Variants in RABEP1 observed in about 807,000 individuals in gnomAD.
The protein encoded by RABEP1 is rab GTPase-binding effector protein 1.
Under a neutral mutation model 123.4 loss-of-function variants are expected in RABEP1, and 51 were observed. That is an observed-to-expected ratio of 0.41 (90% CI 0.33 to 0.52). RABEP1 has a LOEUF of 0.52. Among genes scored for constraint, RABEP1 ranks in the 20% least tolerant of loss-of-function variants. The pLI, the probability that RABEP1 is intolerant of heterozygous loss-of-function variation, is 0.16. For missense variants in RABEP1, 888 were observed against 996.3 expected (o/e 0.89, Z 1.46); for synonymous variants, 347 against 355.2 (o/e 0.98, Z 0.26).
At chr17:5,380,032 A>T (rs1292127504) in intron 15 of RABEP1, among the ~76,000 whole-genome samples, 1 of 152,200 alleles carries the variant, frequency 6.6e-6, no homozygotes, top group Admixed American at 6.5e-5. Flanking sequence ...TTTGCCCTGT[A>T]AAAATGTAGG....
intron 10 of RABEP1, among the ~76,000 whole-genome samples, chr17:5,363,222 G>A (rs946302580): frequency 2.2e-5 from 3 of 139,314 alleles, no homozygotes; most frequent in Non-Finnish European, 4.7e-5. Context: ...TTTTGTTTTT[G>A]TTTTTGTTTG....
intron 15 of RABEP1, 44 bp from the exon 16 acceptor site, chr17:5,380,320 C>T (rs1328766773): frequency 7.3e-7 from 1 of 1,372,740 alleles, no homozygotes; most frequent in Non-Finnish European, 1.0e-6. Context: ...GCACTGGGGC[C>T]CAGAGGGAGT....
chr17:5,290,180 T>C (rs1022870127), intron 1 of RABEP1, among the ~76,000 whole-genome samples: 1 of 152,182 alleles, frequency 6.6e-6, no homozygotes, highest in African/African-American at 2.4e-5. Context: ...CTCCGCCTCC[T>C]GGGTTCACGC....
At chr17:5,341,818 A>T (rs1221660606) in intron 5 of RABEP1, among the ~76,000 whole-genome samples, 1 of 152,246 alleles carries the variant, frequency 6.6e-6, no homozygotes, top group Admixed American at 6.5e-5. Context: ...TGATTGTAGA[A>T]GAACAGCATT....
At chr17:5,369,576 G>A (rs1481193619) in intron 12 of RABEP1, among the ~76,000 whole-genome samples, 1 of 152,140 alleles carries the variant, frequency 6.6e-6, no homozygotes, top group Admixed American at 6.5e-5. Flanking sequence ...ATAGTTTCAT[G>A]TGTTTTCTCT....
intron 4 of RABEP1, 87 bp from the exon 5 acceptor site, chr17:5,337,929 TATA>T (rs1354918185): frequency 1.4e-6 from 2 of 1,389,170 alleles, no homozygotes; most frequent in African/African-American, 1.5e-5. Context: ...AGTTACTTGT[TATA>T]ATAATTTTTA....
intron 17 of RABEP1, among the ~76,000 whole-genome samples, chr17:5,382,635 C>T (rs1337623853): frequency 6.6e-6 from 1 of 151,694 alleles, no homozygotes; most frequent in Non-Finnish European, 1.5e-5. Context: ...GCTTATAATC[C>T]CAGCTACTTG....
chr17:5,372,858 C>T (rs543888514), intron 12 of RABEP1, among the ~76,000 whole-genome samples: 68 of 152,142 alleles, frequency 4.5e-4, no homozygotes, highest in Admixed American at 2.2e-3. Context: ...TGGGTTCAAG[C>T]GATTCTCCGG....
At chr17:5,358,257 C>CTA (rs1909196226) in intron 8 of RABEP1, among the ~76,000 whole-genome samples, 1 of 114,422 alleles carries the variant, frequency 8.7e-6, no homozygotes, top group Non-Finnish European at 1.7e-5. Context: ...TTTTTTACTA[C>CTA]TATACAATTT....
Position 5,373,374 on chromosome 17 carries a change from A to G in RABEP1, c.1945A>G (p.Asn649Asp). 4 of 1,613,398 alleles carry G rather than the reference A, an allele frequency of 2.5e-6. No homozygotes were observed. Among genetic ancestry groups the G allele is most frequent in the Non-Finnish European group, 3.4e-6 (4 of 1,179,922 alleles). The change falls in exon 13 of 18, where the codon AAT becomes GAT. Residue 649 changes from asparagine to aspartate, a missense_variant. Asn to Asp is a conservative substitution (Grantham distance 23). Coordinates refer to ENST00000537505, the MANE Select transcript of RABEP1 (RefSeq NM_004703.6). Reference sequence around the variant, plus strand: ...AGAGCTGGTGAGGTTACAGAAAGATAATGACAGTCTCCAGGGAAAGCACAG... The same window carrying G: ...AGAGCTGGTGAGGTTACAGAAAGATGATGACAGTCTCCAGGGAAAGCACAG... Reference protein sequence around the residue: ...SEELVRLQKDNDSLQGKHSLH... With the variant: ...SEELVRLQKDDDSLQGKHSLH...
At position 5,384,639 on chromosome 17, in the gene RABEP1, C is replaced by T. The variant is rs1597308256; in HGVS notation, c.*1416C>T. ...TTCTGTACTTCTGTCTTCCATAGGA[C>T]AAATGATAAGTACTACATACCTCAT... On this transcript the variant is annotated 3_prime_UTR_variant, in exon 18 of 18. Coordinates refer to ENST00000537505, the MANE Select transcript of RABEP1 (RefSeq NM_004703.6). 2 of 213,504 alleles carry T rather than the reference C, an allele frequency of 9.4e-6. No homozygotes were observed. The highest frequency in any genetic ancestry group is 1.4e-4 in the East Asian group (2 of 13,952). 13.2% of individuals were successfully genotyped at this position (213,504 alleles called of 1,614,324 possible).
Position 5,282,343 on chromosome 17 carries a change from C to A in RABEP1, c.-144C>A. On this transcript the variant is annotated 5_prime_UTR_variant, in exon 1 of 18. Coordinates refer to ENST00000537505, the MANE Select transcript of RABEP1 (RefSeq NM_004703.6). ...CCGTCTCTGCCCGCGGCTGTGGCGG[C>A]GCCGGCGGATCCAGCCTTAGCGGTT... 3.4e-6 allele frequency: 2 copies of A among 587,824 alleles called. No homozygotes were observed. The highest frequency in any genetic ancestry group is 2.5e-6 in the Non-Finnish European group (1 of 392,486). The allele number at this position is 587,824 out of a possible 1,614,324, so 36.4% of individuals were successfully genotyped here. A position where few individuals can be genotyped will look rare whatever the true frequency, so the allele number is the denominator to read the frequency against.
At chr17:5,292,506 T>C (rs1381834715) in intron 1 of RABEP1, among the ~76,000 whole-genome samples, 5 of 152,078 alleles carry the variant, frequency 3.3e-5, no homozygotes, top group Non-Finnish European at 7.4e-5. Context: ...TGCCTCGGCC[T>C]CCCGAGTAGC....
intron 1 of RABEP1, among the ~76,000 whole-genome samples, chr17:5,297,562 G>A (rs955413627): frequency 6.6e-6 from 1 of 152,164 alleles, no homozygotes; most frequent in African/African-American, 2.4e-5. Context: ...TATATCAATA[G>A]GTTAGCTTAA....
At chr17:5,367,840 T>A (rs116001979) in intron 11 of RABEP1, among the ~76,000 whole-genome samples, 1 of 150,710 alleles carries the variant, frequency 6.6e-6, no homozygotes, top group Admixed American at 6.7e-5. Context: ...CTGCAACCTC[T>A]GCCTCCCGGT....
At chr17:5,313,772 A>G (rs548919864) in intron 2 of RABEP1, among the ~76,000 whole-genome samples, 2 of 152,286 alleles carry the variant, frequency 1.3e-5, no homozygotes, top group East Asian at 3.9e-4. Flanking sequence ...CTTTTTACAA[A>G]ATTTCAAAAA....
At chr17:5,361,979 C>T (rs967515264) in intron 9 of RABEP1, 1 of 283,888 alleles carries the variant, frequency 3.5e-6, no homozygotes, top group African/African-American at 2.2e-5. Context: ...GTTAGAGCAA[C>T]CTGGATTTGG....
rs2074932321 is a variant in RABEP1, at chr17:5,282,359, C to T, written c.-128C>T. 4.0e-6 allele frequency: 3 copies of T among 743,760 alleles called. No homozygotes were observed. The highest frequency in any genetic ancestry group is 7.4e-5 in the South Asian group (2 of 27,110). The allele number at this position is 743,760 out of a possible 1,614,324, so 46.1% of individuals were successfully genotyped here. On this transcript the variant is annotated 5_prime_UTR_variant, in exon 1 of 18. Transcript: ENST00000537505. ...CTGTGGCGGCGCCGGCGGATCCAGC[C>T]TTAGCGGTTTCTCTCTGGGCGGCGG...
In RABEP1 at chr17:5,282,310, G is replaced by A. The variant is rs574080437; in HGVS notation, c.-177G>A. 116 of 426,060 alleles carry A rather than the reference G, an allele frequency of 2.7e-4. No homozygotes were observed. The highest frequency in any genetic ancestry group is 2.4e-3 in the East Asian group (68 of 28,072). The allele number at this position is 426,060 out of a possible 1,614,324, so 26.4% of individuals were successfully genotyped here. A position where few individuals can be genotyped will look rare whatever the true frequency, so the allele number is the denominator to read the frequency against. On this transcript the variant is annotated 5_prime_UTR_variant, in exon 1 of 18. Coordinates refer to ENST00000537505, the MANE Select transcript of RABEP1 (RefSeq NM_004703.6). ...TCAGGATGAGGAGGCGGAGGTCGGC[G>A]GTCGGGTCCGTCTCTGCCCGCGGCT...
Sources: allele counts gnomAD v4.1 joint callset (sites outside exome capture counted in the v4.1 genomes callset), GRCh38; gene constraint gnomAD v4.1.1; transcripts MANE v1.5; gene names NCBI Gene and HGNC (gene_info 2026-07-23, HGNC 2026-07-21).